The following RRM2 variants were observed in gnomAD, a reference collection of about 807,000 sequenced individuals.
RRM2 encodes the protein ribonucleotide reductase regulatory subunit M2.
In RRM2, 6 loss-of-function variants were observed where a neutral mutation model predicts 45.9. The ratio of observed to expected loss-of-function variants is 0.13; its 90% CI spans 0.07 to 0.26. The LOEUF is 0.26. Ranked by LOEUF, RRM2 falls within the 10% of genes least tolerant of loss-of-function variation. RRM2 has a pLI of 1.00. For synonymous variants in RRM2, 177 were observed against 173.0 expected, an observed-to-expected ratio of 1.02 and a Z score of -0.18; for missense variants, 343 against 489.5, an observed-to-expected ratio of 0.70 and a Z score of 2.82.
At position 10,195,817 on chromosome 2, in the gene RRM2, G is replaced by A. The variant is rs1398067981; in HGVS notation, n.483-14494G>A. On this transcript the variant is annotated intron_variant and non_coding_transcript_variant, in intron 3 of 3. Transcript: ENST00000381786. The surrounding 1 kb of genome is among the most constrained non-coding windows in gnomAD (Gnocchi z 4.9). ...AGGTAAGTAGTGACCTGGCCTGGCC[G>A]ATGCTGTGTTAGGATAAACGTGCTA... Among the ~76,000 whole-genome samples the A allele has an allele frequency of 3.3e-5, 5 of 152,204 alleles. No individual in the cohort carries two copies. The highest frequency in any genetic ancestry group is 1.5e-5 in the Non-Finnish European group (1 of 68,032).
intron 3 of RRM2, among the ~76,000 whole-genome samples, chr2:10,203,760 A>AATAAATACATACATAC (rs112744186): frequency 3.1e-4 from 47 of 150,148 alleles, no homozygotes; most frequent in African/African-American, 1.2e-3. Flanking sequence ...CACAAAAATA[A>AATAAATACATACATAC]ATACATACAT....
chr2:10,122,653 G>A (rs747349610), upstream of RRM2: 10 of 1,547,862 alleles, frequency 6.5e-6, no homozygotes, highest in Middle Eastern at 5.0e-4. Context: ...CAGCCAATGG[G>A]AAGGGCCGGG....
intron 3 of RRM2, among the ~76,000 whole-genome samples, chr2:10,200,738 T>G (rs1404824168): frequency 6.6e-6 from 1 of 151,412 alleles, no homozygotes; most frequent in African/African-American, 2.4e-5. Context: ...GCCCGCCATC[T>G]AAGGGCTCTA....
intron 3 of RRM2, among the ~76,000 whole-genome samples, chr2:10,177,225 G>A (rs1036707613): frequency 6.6e-6 from 1 of 151,768 alleles, no homozygotes; most frequent in African/African-American, 2.4e-5. Flanking sequence ...CAGCCTGGGC[G>A]ACAGAGCGAG....
chr2:10,132,092 G>A (rs192233573), downstream of RRM2, among the ~76,000 whole-genome samples: 2 of 152,214 alleles, frequency 1.3e-5, no homozygotes, highest in East Asian at 1.9e-4. Context: ...TTCCTGACTC[G>A]GAATCCCACC....
chr2:10,147,489 C>G (rs1263380897), intron 3 of RRM2, among the ~76,000 whole-genome samples: 1 of 152,048 alleles, frequency 6.6e-6, no homozygotes, highest in Non-Finnish European at 1.5e-5. Flanking sequence ...CCCTGTTGCC[C>G]AGGCAACAAG....
intron 3 of RRM2, among the ~76,000 whole-genome samples, chr2:10,175,655 T>C (rs1048557321): frequency 6.6e-6 from 1 of 152,212 alleles, no homozygotes; most frequent in African/African-American, 2.4e-5. Flanking sequence ...GGGAGTGCAG[T>C]GGCGCAATCT....
In RRM2 at chr2:10,127,020, T is replaced by C. The variant is rs1662794087; in HGVS notation, c.664+51T>C. 6.2e-7 allele frequency: 1 copy of C among 1,610,710 alleles called. No individual in the cohort carries two copies. Among genetic ancestry groups the C allele is most frequent in the African/African-American group, 1.3e-5 (1 of 74,794 alleles). On this transcript the variant is annotated intron_variant, in intron 6 of 9. Transcript: ENST00000304567. The surrounding 1 kb of genome is among the most constrained non-coding windows in gnomAD (Gnocchi z 4.1). ...AACCTGAGCTTCATTTTCCAAGTAATGTTACTGGATTTTTGGCCCTTGAAT... is the reference window on the plus strand; with the variant it reads ...AACCTGAGCTTCATTTTCCAAGTAACGTTACTGGATTTTTGGCCCTTGAAT...
chr2:10,131,681 G>A (rs1662904498), downstream of RRM2, among the ~76,000 whole-genome samples: 1 of 152,194 alleles, frequency 6.6e-6, no homozygotes, highest in Non-Finnish European at 1.5e-5. Flanking sequence ...AGAGGTTGCA[G>A]TGAGCTGAGA....
intron 3 of RRM2, among the ~76,000 whole-genome samples, chr2:10,183,040 A>T (rs1051806174): frequency 6.6e-6 from 1 of 152,098 alleles, no homozygotes; most frequent in Admixed American, 6.6e-5. Context: ...TGAGCCAGGT[A>T]TGGTGGCGCG....
intron 3 of RRM2, among the ~76,000 whole-genome samples, chr2:10,202,939 C>A (rs959466694): frequency 6.6e-6 from 1 of 152,208 alleles, no homozygotes; most frequent in Non-Finnish European, 1.5e-5. Context: ...CTGCGATCAT[C>A]CAGAACAACA....
At chr2:10,133,141 TATA>T (rs149745111), downstream of RRM2, among the ~76,000 whole-genome samples, 1,853 of 152,308 alleles carry the variant, frequency 0.012, 19 homozygotes, top group Non-Finnish European at 0.021. Context: ...GGGTGTGAAT[TATA>T]ATCACCTGGG....
rs1346846991 is a variant in RRM2 at position 10,163,620 on chromosome 2, T to C, written n.482+21245T>C. ...CCCGGGCAGTGGCGGGTGGGAACTATGGGGTCCACAGCAGATGGTGCCAGA... is the reference window on the plus strand; with the variant it reads ...CCCGGGCAGTGGCGGGTGGGAACTACGGGGTCCACAGCAGATGGTGCCAGA... On this transcript the variant is annotated intron_variant and non_coding_transcript_variant, in intron 3 of 3. Transcript: ENST00000381786. Among the ~76,000 whole-genome samples the C allele has an allele frequency of 2.0e-5, 3 of 152,148 alleles. No individual in the cohort carries two copies. In the East Asian group the frequency reaches 5.8e-4, roughly 29 times the overall value.
chr2:10,186,444 C>G (rs534793333), intron 3 of RRM2, among the ~76,000 whole-genome samples: 1 of 151,884 alleles, frequency 6.6e-6, no homozygotes, highest in Non-Finnish European at 1.5e-5. Flanking sequence ...CGTGAGCCAC[C>G]GTGCCCGGCC....
At chr2:10,133,995 A>G (rs573353224), downstream of RRM2, among the ~76,000 whole-genome samples, 3 of 152,088 alleles carry the variant, frequency 2.0e-5, no homozygotes, top group South Asian at 4.2e-4. Context: ...CCTGGCCAAC[A>G]TGGTGAGACC....
upstream of RRM2, among the ~76,000 whole-genome samples, chr2:10,138,788 G>A (rs548068411): frequency 3.3e-5 from 5 of 152,232 alleles, no homozygotes; most frequent in South Asian, 2.1e-4. Flanking sequence ...ACTTTTTCAC[G>A]TGCCATTCAG....
At chr2:10,176,588 A>G (rs1339953103) in intron 3 of RRM2, among the ~76,000 whole-genome samples, 1 of 152,120 alleles carries the variant, frequency 6.6e-6, no homozygotes, top group Non-Finnish European at 1.5e-5. Context: ...AGGAACCACC[A>G]CACTGTTTTC....
chr2:10,143,256 C>T (rs920419325), intron 3 of RRM2, among the ~76,000 whole-genome samples: 2 of 152,202 alleles, frequency 1.3e-5, no homozygotes, highest in East Asian at 1.9e-4. Flanking sequence ...TTGTCCCCAC[C>T]CACCCGCTCC....
rs1489727274 is a variant in RRM2, at chr2:10,124,711, C to T, written c.436-6C>T. On this transcript the variant is annotated splice_region_variant and splice_polypyrimidine_tract_variant and intron_variant, in intron 4 of 9. Coordinates refer to ENST00000304567, the MANE Select transcript of RRM2 (RefSeq NM_001034.4). ...CAAGCTTAACTTTGATGTGTTTTGC[C>T]ACTAGGTGGAGCGATTTAGCCAAGA... The T allele has an allele frequency of 1.9e-6, 3 of 1,611,314 alleles. No homozygotes were observed. The highest frequency in any genetic ancestry group is 1.3e-5 in the African/African-American group (1 of 74,944).
Sources: allele counts gnomAD v4.1 joint callset (sites outside exome capture counted in the v4.1 genomes callset), GRCh38; gene constraint gnomAD v4.1.1; non-coding constraint Gnocchi (gnomAD v3.1); transcripts MANE v1.5; gene names NCBI Gene and HGNC (gene_info 2026-07-23, HGNC 2026-07-21).